KATNAL2: variants seen among roughly 807,000 people sequenced by gnomAD.
The protein encoded by KATNAL2 is katanin p60 ATPase-containing subunit A-like 2.
In KATNAL2, 52 loss-of-function variants were observed where a neutral mutation model predicts 76.3. The ratio of observed to expected loss-of-function variants is 0.68; its 90% CI spans 0.55 to 0.86. The LOEUF (loss-of-function observed/expected upper bound fraction) is 0.86. Among genes scored for constraint, KATNAL2 ranks in the 40% least tolerant of loss-of-function variants. The probability of loss-of-function intolerance (pLI) is 0.00; values close to 1 mark genes in which losing one functional copy is unlikely to be tolerated. For synonymous variants in KATNAL2, 243 were observed against 244.2 expected (o/e 1.00, Z 0.05); for missense variants, 660 against 668.9 (o/e 0.99, Z 0.15).
intron 3 of KATNAL2, among the ~76,000 whole-genome samples, chr18:46,959,005 G>A (rs889209356): frequency 3.9e-5 from 6 of 152,174 alleles, no homozygotes; most frequent in Non-Finnish European, 8.8e-5. Context: ...TAAGGTCATT[G>A]ACTAGTTTTT....
chr18:47,066,831 C>T (rs1316103270), intron 10 of KATNAL2, among the ~76,000 whole-genome samples, 190 bp from the exon 11 acceptor site: 1 of 86,266 alleles, frequency 1.2e-5, no homozygotes, highest in Non-Finnish European at 2.3e-5. Flanking sequence ...CCCAAAATTA[C>T]AATGTATATA....
chr18:47,079,870 C>T (rs1007345941), intron 15 of KATNAL2, among the ~76,000 whole-genome samples: 19 of 152,256 alleles, frequency 1.2e-4, no homozygotes, highest in East Asian at 9.7e-4. Flanking sequence ...GTGCACATCA[C>T]GTTGCATTAT....
At chr18:47,075,842 C>A (rs1056250750) in intron 14 of KATNAL2, among the ~76,000 whole-genome samples, 1 of 152,220 alleles carries the variant, frequency 6.6e-6, no homozygotes, top group Non-Finnish European at 1.5e-5. Context: ...TCTGTGGCAT[C>A]AGGTTATGGC....
intron 15 of KATNAL2, among the ~76,000 whole-genome samples, chr18:47,086,379 C>T (rs565480563): frequency 7.2e-5 from 11 of 152,216 alleles, no homozygotes; most frequent in East Asian, 5.8e-4. Flanking sequence ...TGCAGTGGCA[C>T]GATCTCGGCT....
At chr18:46,961,552 A>G (rs2059953337) in intron 3 of KATNAL2, among the ~76,000 whole-genome samples, 1 of 152,216 alleles carries the variant, frequency 6.6e-6, no homozygotes, top group Admixed American at 6.5e-5. Flanking sequence ...CAATAAACTT[A>G]CAATGAGGGT....
intron 4 of KATNAL2, among the ~76,000 whole-genome samples, chr18:47,047,117 C>T (rs1051597889): frequency 6.6e-6 from 1 of 152,134 alleles, no homozygotes. Context: ...GACAGGGTCT[C>T]ACCATGTTTT....
At chr18:47,062,846 A>T in intron 8 of KATNAL2, 126 bp from the exon 9 acceptor site, 1 of 606,148 alleles carries the variant, frequency 1.6e-6, no homozygotes. Flanking sequence ...TTCTTTTTAA[A>T]GCTTAACTTG....
intron 1 of KATNAL2, among the ~76,000 whole-genome samples, chr18:46,930,783 G>A (rs1221595399): frequency 1.3e-5 from 2 of 150,716 alleles, no homozygotes; most frequent in African/African-American, 2.4e-5. Flanking sequence ...CCTCAGCTTG[G>A]GTGACAGAGT....
chr18:47,082,163 CCTAA>C (rs1182557429), intron 15 of KATNAL2, among the ~76,000 whole-genome samples: 2 of 152,134 alleles, frequency 1.3e-5, no homozygotes, highest in African/African-American at 4.8e-5. Context: ...ACTGACCTGG[CCTAA>C]CTAAGATGAA....
intron 10 of KATNAL2, among the ~76,000 whole-genome samples, chr18:47,063,738 C>T (rs1486087342): frequency 1.3e-5 from 2 of 152,066 alleles, no homozygotes; most frequent in East Asian, 1.9e-4. Flanking sequence ...ATAGAGACGT[C>T]GGGAGTCTGA....
At chr18:47,099,175 A>C (rs1161385343) in intron 15 of KATNAL2, 68 bp from the exon 16 acceptor site, 1 of 1,485,426 alleles carries the variant, frequency 6.7e-7, no homozygotes, top group African/African-American at 1.4e-5. Context: ...AATTGTTCTT[A>C]AAGTACAGTT....
intron 3 of KATNAL2, chr18:47,034,893 G>A: frequency 6.2e-7 from 1 of 1,612,090 alleles, no homozygotes; most frequent in South Asian, 1.1e-5. Context: ...GCTCAGGGCT[G>A]TGAGATGGGC....
At chr18:46,960,413 C>G (rs12386118) in intron 3 of KATNAL2, among the ~76,000 whole-genome samples, 66,322 of 148,798 alleles carry the variant, frequency 0.45, 14,749 homozygotes, top group Middle Eastern at 0.52. Flanking sequence ...CTGGGCAACC[C>G]AAGAGCGAAA....
Position 47,078,724 on chromosome 18 carries a change from C to A in KATNAL2, c.1211+1263C>A, listed in dbSNP as rs114348867. Among the ~76,000 whole-genome samples, 371 of 152,206 alleles carry A rather than the reference C, an allele frequency of 2.4e-3. 2 individuals carry two copies. Among genetic ancestry groups the A allele is most frequent in the African/African-American group, 8.4e-3 (349 of 41,506 alleles). On this transcript the variant is annotated intron_variant, in intron 15 of 17. Transcript: ENST00000683218. ...TGGAAGAATAGAGGACCTTCTACCC[C>A]CAGTGAATACCTAAGAATTTGTTGA...
chr18:47,076,799 AT>A (rs2062250771), intron 14 of KATNAL2, among the ~76,000 whole-genome samples: 1 of 31,924 alleles, frequency 3.1e-5, no homozygotes, highest in Admixed American at 2.0e-4. Flanking sequence ...TAAATAAATT[AT>A]ATATATATAT....
At chr18:47,094,711 T>A (rs1330403497) in intron 15 of KATNAL2, among the ~76,000 whole-genome samples, 1 of 152,232 alleles carries the variant, frequency 6.6e-6, no homozygotes, top group African/African-American at 2.4e-5. Context: ...CAAGTGACGA[T>A]TCTTGCAATC....
At chr18:46,944,966 T>C (rs2059345890) in intron 1 of KATNAL2, among the ~76,000 whole-genome samples, 1 of 152,166 alleles carries the variant, frequency 6.6e-6, no homozygotes, top group African/African-American at 2.4e-5. Context: ...TACAGGATGA[T>C]GTGCGTACTT....
chr18:47,031,357 C>T (rs2060421332), intron 3 of KATNAL2, among the ~76,000 whole-genome samples: 1 of 151,870 alleles, frequency 6.6e-6, no homozygotes, highest in African/African-American at 2.4e-5. Flanking sequence ...TTTGTTTCTG[C>T]TGTCGTTGGC....
At chr18:46,956,376 C>G (rs751787720) in intron 3 of KATNAL2, among the ~76,000 whole-genome samples, 1 of 152,138 alleles carries the variant, frequency 6.6e-6, no homozygotes, top group South Asian at 2.1e-4. Flanking sequence ...GCCATTTTCT[C>G]TTGGTTTTCA....
Sources: gnomAD v4.1 joint callset for allele counts (sites outside exome capture counted in the v4.1 genomes callset) on GRCh38, gnomAD v4.1.1 for gene constraint, MANE v1.5 for transcripts, NCBI Gene and HGNC (gene_info 2026-07-23, HGNC 2026-07-21) for gene names.